Variants in TNRC6C observed in about 807,000 individuals in gnomAD.
TNRC6C encodes the protein trinucleotide repeat containing adaptor 6C.
TNRC6C carries 20 observed loss-of-function variants against 153.7 expected under a neutral mutation model. That is an observed-to-expected ratio of 0.13 (90% CI 0.09 to 0.19). TNRC6C has a LOEUF of 0.19. TNRC6C is among the 10% of genes least tolerant of loss of function. The pLI, the probability that TNRC6C is intolerant of heterozygous loss-of-function variation, is 1.00. For missense variants in TNRC6C, 1,987 were observed against 2,172.0 expected (o/e 0.91, Z 1.69); for synonymous variants, 811 against 841.4 (o/e 0.96, Z 0.63).
chr17:77,984,356 TA>T (rs11290860), intron 1 of TNRC6C, among the ~76,000 whole-genome samples: 56,854 of 135,466 alleles, frequency 0.42, 11,646 homozygotes, highest in African/African-American at 0.56. Context: ...CATCAATACT[TA>T]AAAAAAAAAA....
chr17:78,067,675 C>G, intron 4 of TNRC6C, 82 bp from the exon 7 acceptor site: 1 of 1,423,566 alleles, frequency 7.0e-7, no homozygotes, highest in South Asian at 1.5e-5. Flanking sequence ...TGTCCCACGA[C>G]CCCTAAATTA....
At chr17:78,010,772 A>G (rs1198788273) in intron 1 of TNRC6C, among the ~76,000 whole-genome samples, 1 of 152,224 alleles carries the variant, frequency 6.6e-6, no homozygotes, top group Non-Finnish European at 1.5e-5. Context: ...TCCAGGGGGA[A>G]ATATAATAAA....
exon 20 of TNRC6C, chr17:78,107,152 G>C (rs530598046): frequency 2.0e-5 from 3 of 152,210 alleles, no homozygotes; most frequent in African/African-American, 7.2e-5. Flanking sequence ...ACCACTTCCC[G>C]TGCTGCCGGC....
intron 1 of TNRC6C, among the ~76,000 whole-genome samples, chr17:77,976,313 A>G (rs1005276615): frequency 6.6e-6 from 1 of 152,216 alleles, no homozygotes; most frequent in Non-Finnish European, 1.5e-5. Context: ...AAGGTGGGTG[A>G]GGGAGGTTGT....
rs2073421596 is a variant in TNRC6C at position 78,093,077 on chromosome 17, C to G, written c.4115C>G (p.Ser1372Cys). Reference sequence around the variant, plus strand: ...CCCCATAGCTGGTCACGTGCCAAATCTGACAGTGATAAAATCTCAAATGGC... The same window carrying G: ...CCCCATAGCTGGTCACGTGCCAAATGTGACAGTGATAAAATCTCAAATGGC... The change falls in exon 15 of 20, where the codon TCT becomes TGT. Residue 1372 changes from serine to cysteine, a missense_variant. Ser to Cys is a moderately radical substitution (Grantham distance 112, BLOSUM62 -1). Around this residue, in one of 4 missense-constraint regions of TNRC6C, gnomAD observed 765 missense variants for 908.6 expected, o/e 0.84. Coordinates refer to ENST00000301624, the Ensembl canonical transcript of TNRC6C. The G allele has an allele frequency of 1.9e-6, 3 of 1,613,562 alleles. No homozygotes were observed. The African/African-American group carries it at 4.0e-5, about 22-fold the overall frequency.
intron 3 of TNRC6C, among the ~76,000 whole-genome samples, chr17:78,062,617 G>A (rs531154610): frequency 1.3e-5 from 2 of 152,290 alleles, no homozygotes; most frequent in South Asian, 4.1e-4. Flanking sequence ...ACAGTGTCAG[G>A]TGAGCTTATG....
At chr17:78,089,453 T>C (rs973010309) in intron 13 of TNRC6C, among the ~76,000 whole-genome samples, 1 of 152,194 alleles carries the variant, frequency 6.6e-6, no homozygotes, top group Non-Finnish European at 1.5e-5. Flanking sequence ...TTGCCTATCT[T>C]GTTGGCTCTC....
At position 78,084,753 on chromosome 17, in the gene TNRC6C, C is replaced by T. The variant is rs1473274951; in HGVS notation, c.3477+1587C>T. Among the ~76,000 whole-genome samples the T allele has an allele frequency of 3.3e-5, 5 of 152,012 alleles. No individual in the cohort carries two copies. In the East Asian group the frequency reaches 5.8e-4, roughly 18 times the overall value. On this transcript the variant is annotated intron_variant, in intron 11 of 19. Coordinates refer to ENST00000301624, the Ensembl canonical transcript of TNRC6C. The stretch of plus-strand genomic sequence containing the variant: ...AAGCAATTCTCCTGTCTCAGCCTCC[C>T]GAGTAGCTGGGATTACAGGCGCCCG...
At chr17:77,975,491 G>T (rs1416752490) in intron 1 of TNRC6C, among the ~76,000 whole-genome samples, 4 of 152,154 alleles carry the variant, frequency 2.6e-5, no homozygotes, top group African/African-American at 9.7e-5. Flanking sequence ...GAGGGAATGG[G>T]GAGACCTCCC....
At chr17:78,054,957 C>T (rs867691748) in intron 3 of TNRC6C, among the ~76,000 whole-genome samples, 1 of 151,948 alleles carries the variant, frequency 6.6e-6, no homozygotes, top group Non-Finnish European at 1.5e-5. Context: ...CGCTACCATA[C>T]ACCACTGCGG....
At chr17:78,001,546 T>G (rs1286305347), upstream of TNRC6C, among the ~76,000 whole-genome samples, 1 of 152,106 alleles carries the variant, frequency 6.6e-6, no homozygotes, top group Non-Finnish European at 1.5e-5. Context: ...CCATTAGAAA[T>G]AACAGATTGG....
At chr17:78,035,883 T>A (rs9893730) in intron 2 of TNRC6C, among the ~76,000 whole-genome samples, 14,451 of 152,210 alleles carry the variant, frequency 0.095, 1,878 homozygotes, top group African/African-American at 0.3. Flanking sequence ...AAAGCTCTTA[T>A]CAACTTTCTT....
At chr17:78,085,088 CAT>C (rs1423737004) in intron 11 of TNRC6C, among the ~76,000 whole-genome samples, 1 of 152,146 alleles carries the variant, frequency 6.6e-6, no homozygotes, top group Non-Finnish European at 1.5e-5. Context: ...AACAGGCACT[CAT>C]AGAAAAAGCA....
chr17:78,084,741 G>A (rs1217408129), intron 11 of TNRC6C, among the ~76,000 whole-genome samples: 1 of 150,154 alleles, frequency 6.7e-6, no homozygotes, highest in African/African-American at 2.5e-5. Flanking sequence ...CAATTCTCCT[G>A]TCTCAGCCTC....
At chr17:77,987,134 A>G (rs2071181659) in intron 1 of TNRC6C, among the ~76,000 whole-genome samples, 1 of 152,222 alleles carries the variant, frequency 6.6e-6, no homozygotes, top group African/African-American at 2.4e-5. Context: ...TTTAACATGT[A>G]TAAACTTAAT....
chr17:78,055,299 A>G (rs926324091), intron 3 of TNRC6C, among the ~76,000 whole-genome samples: 1 of 152,214 alleles, frequency 6.6e-6, no homozygotes, highest in Admixed American at 6.5e-5. Flanking sequence ...CGGGATCTTC[A>G]GTATCACTGT....
chr17:77,978,926 C>G (rs1351695191), intron 1 of TNRC6C, among the ~76,000 whole-genome samples: 1 of 152,172 alleles, frequency 6.6e-6, no homozygotes, highest in Non-Finnish European at 1.5e-5. Flanking sequence ...AGAAGCAAAA[C>G]TAAATCCTCT....
At chr17:77,978,052 C>T (rs912525275) in intron 1 of TNRC6C, among the ~76,000 whole-genome samples, 11 of 151,958 alleles carry the variant, frequency 7.2e-5, no homozygotes, top group South Asian at 2.1e-4. Context: ...CCCGCCACCA[C>T]GCCCAGCTAA....
intron 1 of TNRC6C, among the ~76,000 whole-genome samples, chr17:77,989,025 A>G (rs1280602355): frequency 6.6e-6 from 1 of 152,246 alleles, no homozygotes; most frequent in Admixed American, 6.5e-5. Context: ...AAGTATCTAC[A>G]ACTAGAAGTC....
Sources: gnomAD v4.1 joint callset for allele counts (sites outside exome capture counted in the v4.1 genomes callset) on GRCh38, gnomAD v4.1.1 for gene constraint, gnomAD v4.1.1 regional missense constraint, MANE v1.5 for transcripts, NCBI Gene and HGNC (gene_info 2026-07-23, HGNC 2026-07-21) for gene names.